The following NEGR1 variants were observed in gnomAD, a reference collection of about 807,000 sequenced individuals.
NEGR1 encodes the protein IgLON family member 4.
A neutral mutation model predicts 40.9 loss-of-function variants in NEGR1; 10 were observed. The observed-to-expected ratio is 0.24, with a 90% confidence interval of 0.15 to 0.42. NEGR1 has a LOEUF of 0.42. Among genes scored for constraint, NEGR1 ranks in the 10% least tolerant of loss-of-function variants. The pLI, the probability that NEGR1 is intolerant of heterozygous loss-of-function variation, is 1.00. For synonymous variants in NEGR1, 185 were observed against 166.8 expected (o/e 1.11, Z -0.84); for missense variants, 352 against 438.9 (o/e 0.80, Z 1.77).
chr1:71,663,309 T>C (rs1652131825), intron 4 of NEGR1, among the ~76,000 whole-genome samples: 1 of 152,152 alleles, frequency 6.6e-6, no homozygotes, highest in African/African-American at 2.4e-5. Context: ...TAGCATATTA[T>C]TGCAGCTTCT....
At chr1:72,237,813 G>C (rs1452054676) in intron 1 of NEGR1, among the ~76,000 whole-genome samples, 1 of 151,872 alleles carries the variant, frequency 6.6e-6, no homozygotes, top group Non-Finnish European at 1.5e-5. Flanking sequence ...TCTCATTTTA[G>C]TTTTGACATA....
chr1:71,542,644 G>A (rs1227123531), intron 6 of NEGR1, among the ~76,000 whole-genome samples: 1 of 151,620 alleles, frequency 6.6e-6, no homozygotes, highest in Non-Finnish European at 1.5e-5. Flanking sequence ...ACTCCCAATC[G>A]AGTGACAATG....
At chr1:72,135,585 A>T (rs1363752130) in intron 1 of NEGR1, among the ~76,000 whole-genome samples, 1 of 152,142 alleles carries the variant, frequency 6.6e-6, no homozygotes, top group East Asian at 1.9e-4. Context: ...AAGCAAACCC[A>T]GACAGAGCTC....
chr1:72,135,929 T>C (rs187318192), intron 1 of NEGR1, among the ~76,000 whole-genome samples: 7 of 152,316 alleles, frequency 4.6e-5, no homozygotes, highest in Non-Finnish European at 8.8e-5. Context: ...TGCCTTAGTG[T>C]TGGAGAATAA....
At chr1:72,114,410 T>C (rs1649502528) in intron 1 of NEGR1, among the ~76,000 whole-genome samples, 1 of 151,704 alleles carries the variant, frequency 6.6e-6, no homozygotes, top group Non-Finnish European at 1.5e-5. Flanking sequence ...CACAATCACA[T>C]GAGCCAATTC....
chr1:72,087,172 C>CA (rs1271018700), intron 1 of NEGR1, among the ~76,000 whole-genome samples: 2 of 152,100 alleles, frequency 1.3e-5, no homozygotes, highest in African/African-American at 4.8e-5. Context: ...GTAATCCCAG[C>CA]ACTTTGGGAG....
At chr1:72,178,437 T>C (rs1216477987) in intron 1 of NEGR1, among the ~76,000 whole-genome samples, 1 of 151,642 alleles carries the variant, frequency 6.6e-6, no homozygotes, top group Admixed American at 6.6e-5. Flanking sequence ...CCTTGCCCTC[T>C]ACCTATTCTG....
chr1:71,783,771 C>T (rs1028944757), intron 2 of NEGR1, among the ~76,000 whole-genome samples: 1 of 152,020 alleles, frequency 6.6e-6, no homozygotes, highest in Non-Finnish European at 1.5e-5. Flanking sequence ...TCTATTCTGT[C>T]CTTCGTGGGG....
chr1:71,458,242 G>T (rs771189667), intron 6 of NEGR1, among the ~76,000 whole-genome samples: 6 of 152,144 alleles, frequency 3.9e-5, no homozygotes, highest in African/African-American at 1.4e-4. Flanking sequence ...CTGACTCTCA[G>T]TAAGTTATTG....
At chr1:72,055,313 A>C (rs2100483779) in intron 1 of NEGR1, among the ~76,000 whole-genome samples, 1 of 151,326 alleles carries the variant, frequency 6.6e-6, no homozygotes, top group East Asian at 1.9e-4. Context: ...AGGCATTTAC[A>C]GTTAGTTTTA....
intron 3 of NEGR1, among the ~76,000 whole-genome samples, chr1:71,704,544 T>C (rs532126603): frequency 8.5e-4 from 129 of 151,928 alleles, no homozygotes; most frequent in Non-Finnish European, 1.4e-3. Context: ...ACAGTTTAGA[T>C]TAAGTGTACA....
chr1:71,857,876 A>T (rs1287150428), intron 2 of NEGR1, among the ~76,000 whole-genome samples: 1 of 151,866 alleles, frequency 6.6e-6, no homozygotes, highest in Non-Finnish European at 1.5e-5. Flanking sequence ...AACTGATGGG[A>T]TTTGTTTTTG....
chr1:71,545,514 GTCTT>G (rs1647864306), intron 6 of NEGR1, among the ~76,000 whole-genome samples: 1 of 151,574 alleles, frequency 6.6e-6, no homozygotes, highest in Admixed American at 6.6e-5. Context: ...TATATCTTCT[GTCTT>G]TCTATCTATG....
intron 6 of NEGR1, among the ~76,000 whole-genome samples, chr1:71,581,147 G>A (rs773698984): frequency 6.6e-6 from 1 of 152,062 alleles, no homozygotes; most frequent in Non-Finnish European, 1.5e-5. Flanking sequence ...TTATAAAATG[G>A]TGTGTGATAT....
intron 3 of NEGR1, among the ~76,000 whole-genome samples, chr1:71,704,802 A>G (rs907165413): frequency 6.6e-6 from 1 of 151,920 alleles, no homozygotes; most frequent in Non-Finnish European, 1.5e-5. Flanking sequence ...TAATATCAGG[A>G]CAAAAAATAT....
At chr1:71,897,264 A>C (rs967077744) in intron 2 of NEGR1, among the ~76,000 whole-genome samples, 2 of 152,126 alleles carry the variant, frequency 1.3e-5, no homozygotes, top group African/African-American at 4.8e-5. Flanking sequence ...TCCCGACATG[A>C]ATATCTTGTA....
chr1:71,487,561 C>T (rs1380949856), intron 6 of NEGR1, among the ~76,000 whole-genome samples: 2 of 151,724 alleles, frequency 1.3e-5, no homozygotes, highest in Non-Finnish European at 2.9e-5. Flanking sequence ...CACTATTTGT[C>T]TCCATTTTTG....
chr1:72,025,178 T>C (rs983943621), intron 1 of NEGR1, among the ~76,000 whole-genome samples: 34 of 152,180 alleles, frequency 2.2e-4, no homozygotes, highest in African/African-American at 7.2e-4. Context: ...TTATATAGTA[T>C]AACGTTTACA....
At chr1:71,669,088 A>C (rs1270032370) in intron 4 of NEGR1, among the ~76,000 whole-genome samples, 4 of 152,208 alleles carry the variant, frequency 2.6e-5, no homozygotes, top group Non-Finnish European at 5.9e-5. Context: ...ATGTAGATTT[A>C]GAATTTTTAT....
Sources: allele counts gnomAD v4.1 joint callset (sites outside exome capture counted in the v4.1 genomes callset), GRCh38; gene constraint gnomAD v4.1.1; transcripts MANE v1.5; gene names NCBI Gene and HGNC (gene_info 2026-07-23, HGNC 2026-07-21).